TFPI: variants seen among roughly 807,000 people sequenced by gnomAD.
The protein encoded by TFPI is anti-convertin.
In TFPI, 15 loss-of-function variants were observed where a neutral mutation model predicts 34.6. The observed-to-expected ratio is 0.43, with a 90% CI of 0.29 to 0.67. TFPI has a LOEUF of 0.67. Among genes scored for constraint, TFPI ranks in the 30% least tolerant of loss-of-function variants. The pLI is 0.15. For synonymous variants in TFPI, 105 were observed against 120.1 expected (o/e 0.87, Z 0.82); for missense variants, 301 against 364.0 (o/e 0.83, Z 1.41).
intron 1 of TFPI, among the ~76,000 whole-genome samples, chr2:187,508,173 T>G (rs555050659): frequency 2.0e-4 from 31 of 152,326 alleles, no homozygotes; most frequent in African/African-American, 7.5e-4. Flanking sequence ...GGTCTATATA[T>G]CTGTTTTGCT....
intron 4 of TFPI, among the ~76,000 whole-genome samples, chr2:187,485,813 G>T (rs1693219648): frequency 6.6e-6 from 1 of 151,600 alleles, no homozygotes. Context: ...CAGGCGTATT[G>T]GGCTTGAATT....
chr2:187,514,371 C>T (rs1277928765), intron 1 of TFPI: 1 of 152,186 alleles, frequency 6.6e-6, no homozygotes, highest in African/African-American at 2.4e-5. Context: ...CATGGTAGCT[C>T]TTTTCCAGGA....
chr2:187,488,229 C>G (rs1441996520), intron 4 of TFPI, 108 bp downstream of exon 4: 10 of 800,514 alleles, frequency 1.2e-5, no homozygotes, highest in Non-Finnish European at 2.0e-5. Context: ...AATTGAATAT[C>G]TATACTGAAT....
intron 1 of TFPI, among the ~76,000 whole-genome samples, chr2:187,513,340 T>C (rs993156070): frequency 1.3e-5 from 2 of 152,170 alleles, no homozygotes; most frequent in Non-Finnish European, 2.9e-5. Context: ...TACCTTATGG[T>C]CCAACATTAA....
At chr2:187,533,824 G>T (rs1248787654) in intron 1 of TFPI, among the ~76,000 whole-genome samples, 2 of 152,108 alleles carry the variant, frequency 1.3e-5, no homozygotes. Context: ...CTTGAAAAAA[G>T]TATGGAGAAA....
At chr2:187,549,013 C>G (rs546660308) in intron 1 of TFPI, among the ~76,000 whole-genome samples, 10 of 152,162 alleles carry the variant, frequency 6.6e-5, no homozygotes, top group African/African-American at 2.2e-4. Flanking sequence ...TTTGAAAACT[C>G]ACATCAGCAC....
At chr2:187,467,423 CATT>C (rs1487176168) in intron 7 of TFPI, among the ~76,000 whole-genome samples, 1 of 151,948 alleles carries the variant, frequency 6.6e-6, no homozygotes, top group Non-Finnish European at 1.5e-5. Context: ...ATTCAGAAGA[CATT>C]AATAAATATG....
chr2:187,516,409 G>A (rs1687006953), intron 1 of TFPI: 1 of 152,158 alleles, frequency 6.6e-6, no homozygotes, highest in Admixed American at 6.5e-5. Context: ...AATTATAATA[G>A]TAATAGGAAC....
At chr2:187,471,801 C>T (rs141805912) in intron 6 of TFPI, among the ~76,000 whole-genome samples, 1 of 151,954 alleles carries the variant, frequency 6.6e-6, no homozygotes, top group Non-Finnish European at 1.5e-5. Flanking sequence ...CATATATTCA[C>T]TTTGAATCTT....
intron 6 of TFPI, among the ~76,000 whole-genome samples, chr2:187,469,519 T>C (rs1410463517): frequency 6.6e-6 from 1 of 152,078 alleles, no homozygotes; most frequent in Admixed American, 6.6e-5. Flanking sequence ...AATGATGTTA[T>C]GGGATACATA....
intron 1 of TFPI, among the ~76,000 whole-genome samples, chr2:187,551,890 A>C (rs550653993): frequency 2.0e-5 from 3 of 152,276 alleles, no homozygotes; most frequent in African/African-American, 4.8e-5. Flanking sequence ...TAATTGCTAT[A>C]GATGGTAAAC....
At chr2:187,505,987 A>AT (rs67619431) in intron 1 of TFPI, among the ~76,000 whole-genome samples, 13 of 147,134 alleles carry the variant, frequency 8.8e-5, no homozygotes, top group African/African-American at 2.5e-4. Flanking sequence ...AGCGTATGTA[A>AT]TTTTTTTTTT....
chr2:187,496,465 A>G (rs1407381390), intron 3 of TFPI, among the ~76,000 whole-genome samples: 1 of 152,100 alleles, frequency 6.6e-6, no homozygotes, highest in Non-Finnish European at 1.5e-5. Flanking sequence ...AAAATACTTC[A>G]CAATTCTTTG....
intron 4 of TFPI, among the ~76,000 whole-genome samples, chr2:187,485,549 T>A (rs1693200267): frequency 6.6e-6 from 1 of 151,766 alleles, no homozygotes; most frequent in African/African-American, 2.4e-5. Flanking sequence ...CATCCTTTAC[T>A]GCTGTGTCAT....
At chr2:187,543,858 CCTT>C (rs1213973427) in intron 1 of TFPI, among the ~76,000 whole-genome samples, 1 of 152,162 alleles carries the variant, frequency 6.6e-6, no homozygotes, top group East Asian at 1.9e-4. Flanking sequence ...GGTATCTCCT[CCTT>C]CTATTTGTCC....
At chr2:187,483,864 A>T in intron 6 of TFPI, 1 of 429,796 alleles carries the variant, frequency 2.3e-6, no homozygotes, top group South Asian at 3.1e-5. Context: ...CATAGAGTTA[A>T]ATATCATATG....
intron 6 of TFPI, among the ~76,000 whole-genome samples, chr2:187,468,337 G>A (rs4140885): frequency 0.34 from 51,716 of 151,368 alleles, 9,332 homozygotes; most frequent in African/African-American, 0.46. Context: ...ACAAATATTT[G>A]GCTTTAAAAA....
intron 6 of TFPI, among the ~76,000 whole-genome samples, chr2:187,481,724 G>A (rs1220432790): frequency 6.6e-6 from 1 of 151,892 alleles, no homozygotes; most frequent in South Asian, 2.1e-4. Context: ...CAAATTGGCC[G>A]GAGGAATGTT....
intron 1 of TFPI, among the ~76,000 whole-genome samples, chr2:187,507,926 G>C (rs1450820611): frequency 6.6e-6 from 1 of 152,136 alleles, no homozygotes; most frequent in African/African-American, 2.4e-5. Context: ...TTTTCTTCTA[G>C]GGTTTTTATG....
Sources: gnomAD v4.1 joint callset for allele counts (sites outside exome capture counted in the v4.1 genomes callset) on GRCh38, gnomAD v4.1.1 for gene constraint, MANE v1.5 for transcripts, NCBI Gene and HGNC (gene_info 2026-07-23, HGNC 2026-07-21) for gene names.